PIK3C2A: variants seen among roughly 807,000 people sequenced by gnomAD.
The protein encoded by PIK3C2A is phosphatidylinositol 4-phosphate 3-kinase C2 domain-containing subunit alpha.
Under a neutral mutation model 204.5 loss-of-function variants are expected in PIK3C2A, and 97 were observed. The ratio of observed to expected loss-of-function variants is 0.47; its 90% confidence interval spans 0.40 to 0.56. The LOEUF is 0.56. PIK3C2A is among the 20% of genes least tolerant of loss of function. The pLI is 0.00. For synonymous variants in PIK3C2A, 653 were observed against 664.4 expected (o/e 0.98, Z 0.26); for missense variants, 1,735 against 1,969.2 (o/e 0.88, Z 2.25).
At chr11:17,181,980 C>A (rs1238469446) in intron 1 of PIK3C2A, among the ~76,000 whole-genome samples, 6 of 151,442 alleles carry the variant, frequency 4.0e-5, no homozygotes, top group African/African-American at 1.5e-4. Context: ...GTAATCCCAG[C>A]TACTTGGGAG....
At position 17,086,887 on chromosome 11, in the gene PIK3C2A, T is replaced by C. The variant is rs889447427; in HGVS notation, c.*2851A>G. 3 of 152,174 alleles carry C rather than the reference T, an allele frequency of 2.0e-5. No individual in the cohort carries two copies. The highest frequency in any genetic ancestry group is 4.4e-5 in the Non-Finnish European group (3 of 68,022). 9.4% of individuals were successfully genotyped at this position (152,174 alleles called of 1,614,324 possible). On this transcript the variant is annotated 3_prime_UTR_variant, in exon 33 of 33. Transcript: ENST00000691414. ...CACAATATTTGAATCCTAGAAAGAA[T>C]AGGCAACTAATTTAAGGCAAGATAT...
At chr11:17,183,358 C>A (rs1851633121) in intron 1 of PIK3C2A, among the ~76,000 whole-genome samples, 1 of 152,122 alleles carries the variant, frequency 6.6e-6, no homozygotes, top group Admixed American at 6.6e-5. Flanking sequence ...TATTGTTATT[C>A]TCTTACTGTG....
chr11:17,206,942 C>A (rs1005403492), intron 1 of PIK3C2A, among the ~76,000 whole-genome samples: 2 of 152,138 alleles, frequency 1.3e-5, no homozygotes, highest in Admixed American at 6.6e-5. Flanking sequence ...AATTCAAACC[C>A]CCACTGTTCA....
At chr11:17,110,141 C>T (rs1848951175) in intron 22 of PIK3C2A, among the ~76,000 whole-genome samples, 1 of 152,024 alleles carries the variant, frequency 6.6e-6, no homozygotes, top group Non-Finnish European at 1.5e-5. Flanking sequence ...TTAGTAGAAA[C>T]AGGGTTTCAC....
chr11:17,101,749 G>GCC (rs1260452703), intron 24 of PIK3C2A, among the ~76,000 whole-genome samples: 8 of 151,610 alleles, frequency 5.3e-5, no homozygotes, highest in Non-Finnish European at 1.2e-4. Flanking sequence ...GACCACAGGG[G>GCC]CCCGCCACCA....
At chr11:17,168,329 C>T (rs1346909013) in intron 2 of PIK3C2A, among the ~76,000 whole-genome samples, 1 of 152,146 alleles carries the variant, frequency 6.6e-6, no homozygotes, top group African/African-American at 2.4e-5. Flanking sequence ...CGCCTGTAAT[C>T]TCAGCACTTT....
At chr11:17,097,979 A>G (rs1003595006) in intron 26 of PIK3C2A, among the ~76,000 whole-genome samples, 4 of 152,160 alleles carry the variant, frequency 2.6e-5, no homozygotes, top group African/African-American at 9.6e-5. Context: ...TCTCCTATCA[A>G]ACAGTAGAAC....
chr11:17,180,394 A>C (rs1851497493), intron 1 of PIK3C2A, among the ~76,000 whole-genome samples: 1 of 151,938 alleles, frequency 6.6e-6, no homozygotes, highest in Non-Finnish European at 1.5e-5. Flanking sequence ...AAACAATAGA[A>C]CCATAAAAAT....
At chr11:17,160,878 GACAGGAACAA>G in intron 2 of PIK3C2A, among the ~76,000 whole-genome samples, 2 of 152,094 alleles carry the variant, frequency 1.3e-5, no homozygotes, top group African/African-American at 4.8e-5. Flanking sequence ...CTTTGGGGAA[GACAGGAACAA>G]ACAGGAACAA....
chr11:17,129,867 G>A (rs967259807), intron 12 of PIK3C2A, among the ~76,000 whole-genome samples: 1 of 152,158 alleles, frequency 6.6e-6, no homozygotes. Flanking sequence ...GATTACAGGC[G>A]TGAGCCACCA....
intron 11 of PIK3C2A, among the ~76,000 whole-genome samples, chr11:17,132,524 T>C (rs1258542491): frequency 6.6e-6 from 1 of 151,208 alleles, no homozygotes; most frequent in African/African-American, 2.4e-5. Context: ...AGAGACGGGG[T>C]TTCACCTTGT....
At chr11:17,122,157 C>G (rs1849386299) in intron 15 of PIK3C2A, 31 bp downstream of exon 15, 1 of 1,457,872 alleles carries the variant, frequency 6.9e-7, no homozygotes, top group Admixed American at 1.8e-5. Flanking sequence ...ACAGGAGATA[C>G]TTAGCCCAAA....
In PIK3C2A at chr11:17,089,858, G is replaced by A. The variant is rs1396431193; in HGVS notation, c.4941C>T (p.Leu1647=). 12 of 1,612,824 alleles carry A rather than the reference G, an allele frequency of 7.4e-6. No homozygotes were observed. Among genetic ancestry groups the A allele is most frequent in the Non-Finnish European group, 1.0e-5 (12 of 1,179,018 alleles). The change falls in exon 33 of 33, where the codon CTC becomes CTT. Residue 1647 remains leucine (L), a synonymous_variant. Transcript: ENST00000691414. ...LRQRELQLSV[L]SAESLRENFF... ...AATTCTCCCGCAGAGATTCTGCACT[G>A]AGTACACTTAGTTGAAGTTCTCGCT...
At chr11:17,124,498 CAGG>C (rs1849460304) in intron 13 of PIK3C2A, among the ~76,000 whole-genome samples, 1 of 151,334 alleles carries the variant, frequency 6.6e-6, no homozygotes, top group Admixed American at 6.6e-5. Context: ...TTCTGTCGCC[CAGG>C]CTGAAGTGCA....
chr11:17,205,281 C>T (rs574657569), intron 1 of PIK3C2A, among the ~76,000 whole-genome samples: 66 of 151,102 alleles, frequency 4.4e-4, no homozygotes, highest in African/African-American at 1.5e-3. Flanking sequence ...ACCATCCTGG[C>T]CAACCAACAT....
intron 1 of PIK3C2A, among the ~76,000 whole-genome samples, chr11:17,206,940 C>A (rs1177636996): frequency 3.3e-5 from 5 of 152,164 alleles, no homozygotes; most frequent in Non-Finnish European, 7.4e-5. Context: ...TTAATTCAAA[C>A]CCCCACTGTT....
chr11:17,142,720 C>T (rs918664641), intron 8 of PIK3C2A, among the ~76,000 whole-genome samples: 4 of 152,014 alleles, frequency 2.6e-5, no homozygotes, highest in African/African-American at 9.7e-5. Context: ...ACCCTGTCAT[C>T]CATCCATCCA....
chr11:17,169,547 T>C lies in PIK3C2A; in HGVS notation c.195A>G (p.Ala65=), dbSNP rs1221675200. 1 of 1,614,064 alleles carries C rather than the reference T, an allele frequency of 6.2e-7. No individual in the cohort carries two copies. The highest frequency in any genetic ancestry group is 1.3e-5 in the African/African-American group (1 of 74,934). Residue 65 remains alanine (A), a synonymous_variant, in exon 2 of 33, where the codon GCA becomes GCG. Coordinates refer to ENST00000691414, the MANE Select transcript of PIK3C2A (RefSeq NM_002645.4). ...CATAATCCTGCTTGTTATAAACCTG[T>C]GCTTTTTTTCTGGTGCTGCTTGACA... The part of the protein sequence containing the change: ...FELSSSTRKK[A]QVYNKQDYDL...
intron 16 of PIK3C2A, 33 bp from the exon 17 acceptor site, chr11:17,119,346 G>C: frequency 1.6e-6 from 2 of 1,261,324 alleles, no homozygotes; most frequent in Non-Finnish European, 2.3e-6. Flanking sequence ...AGATTGGACA[G>C]TGATTTCTTT....
Sources: gnomAD v4.1 joint callset for allele counts (sites outside exome capture counted in the v4.1 genomes callset) on GRCh38, gnomAD v4.1.1 for gene constraint, MANE v1.5 for transcripts, NCBI Gene and HGNC (gene_info 2026-07-23, HGNC 2026-07-21) for gene names.